The following SNTB2 variants were observed in gnomAD, a reference collection of about 807,000 sequenced individuals.
The protein encoded by SNTB2 is syntrophin beta 2, also known as beta-2-syntrophin.
A neutral mutation model predicts 46.2 loss-of-function variants in SNTB2; 34 were observed. The ratio of observed to expected loss-of-function variants is 0.74; its 90% CI spans 0.56 to 0.98. SNTB2 has a LOEUF of 0.98. SNTB2 is among the 50% of genes least tolerant of loss of function. SNTB2 has a pLI of 0.00. For missense variants in SNTB2, 603 were observed against 731.4 expected (o/e 0.82, Z 2.02); for synonymous variants, 290 against 312.6 (o/e 0.93, Z 0.76).
chr16:69,285,705 G>A (rs1965096499), intron 5 of SNTB2, among the ~76,000 whole-genome samples: 1 of 151,696 alleles, frequency 6.6e-6, no homozygotes, highest in African/African-American at 2.4e-5. Context: ...TGCCCAGGCT[G>A]GTCTCAAACT....
In SNTB2 at chr16:69,213,822, CTTTTTTTTTTTT is replaced by C. The variant is rs35759695; in HGVS notation, c.580+26087_580+26098del. ...TGATAAATACTATCATTTTAGAGTT[CTTTTTTTTTTTT>C]TTTTTTTTTTGAGACTCTCACTCTG... On this transcript the variant is annotated intron_variant, in intron 1 of 6. Coordinates refer to ENST00000336278, the MANE Select transcript of SNTB2 (RefSeq NM_006750.4). Among the ~76,000 whole-genome samples the C allele has an allele frequency of 3.3e-5, 3 of 91,636 alleles. No homozygotes were observed. The South Asian group carries it at 1.1e-3, about 33-fold the overall frequency. The allele number at this position is 91,636 out of a possible 152,430, so 60.1% of individuals were successfully genotyped here.
chr16:69,279,619 G>A (rs933323622), intron 4 of SNTB2, among the ~76,000 whole-genome samples: 21 of 137,474 alleles, frequency 1.5e-4, no homozygotes, highest in African/African-American at 8.3e-5. Context: ...TCCGCCTCCC[G>A]GGTTCACGCC....
rs1964724971 is a variant in SNTB2 at position 69,251,458 on chromosome 16, A to G, written c.794+5643A>G. Among the ~76,000 whole-genome samples, 4 of 136,156 alleles carry G rather than the reference A, an allele frequency of 2.9e-5. No individual in the cohort carries two copies. The Admixed American group carries it at 3.1e-4, about 11-fold the overall frequency. The allele number at this position is 136,156 out of a possible 152,430, so 89.3% of individuals were successfully genotyped here. A position where few individuals can be genotyped will look rare whatever the true frequency, so the allele number is the denominator to read the frequency against. ...AGGAGTGGAATTGCTGGATAGGTGC[A>G]TGTTTAGTTTAAAAAAAAAAAAAAA... On this transcript the variant is annotated intron_variant, in intron 2 of 6. Coordinates refer to ENST00000336278, the MANE Select transcript of SNTB2 (RefSeq NM_006750.4).
At chr16:69,196,504 A>G (rs1358527848) in intron 1 of SNTB2, among the ~76,000 whole-genome samples, 1 of 150,556 alleles carries the variant, frequency 6.6e-6, no homozygotes, top group Non-Finnish European at 1.5e-5. Flanking sequence ...CCTCCTGAGT[A>G]GCTGGGATTA....
At chr16:69,195,469 A>G (rs973962191) in intron 1 of SNTB2, among the ~76,000 whole-genome samples, 2 of 147,110 alleles carry the variant, frequency 1.4e-5, no homozygotes, top group Non-Finnish European at 3.0e-5. Flanking sequence ...AGTAAGAATT[A>G]TTTTGGTTGC....
At chr16:69,195,754 A>G (rs1320875691) in intron 1 of SNTB2, among the ~76,000 whole-genome samples, 2 of 152,126 alleles carry the variant, frequency 1.3e-5, no homozygotes, top group Non-Finnish European at 2.9e-5. Context: ...TGGAGATAGG[A>G]AGGACTCCAA....
At chr16:69,279,865 ATTAAT>A (rs1185359488) in intron 4 of SNTB2, among the ~76,000 whole-genome samples, 68 of 150,092 alleles carry the variant, frequency 4.5e-4, no homozygotes, top group African/African-American at 8.8e-4. Flanking sequence ...TAATTAATTA[ATTAAT>A]TTATTTATTT....
chr16:69,231,455 G>A (rs1380933707), intron 1 of SNTB2, among the ~76,000 whole-genome samples: 1 of 152,130 alleles, frequency 6.6e-6, no homozygotes, highest in East Asian at 1.9e-4. Context: ...TGGGCATGGT[G>A]GCGCATGCCT....
chr16:69,272,050 T>A (rs1211167052), intron 4 of SNTB2, among the ~76,000 whole-genome samples: 1 of 152,134 alleles, frequency 6.6e-6, no homozygotes, highest in African/African-American at 2.4e-5. Flanking sequence ...TCTTCATGAC[T>A]TTGGGTTAGG....
chr16:69,188,011 G>A (rs1343307710), intron 1 of SNTB2, among the ~76,000 whole-genome samples: 2 of 152,096 alleles, frequency 1.3e-5, no homozygotes, highest in Admixed American at 1.3e-4. Flanking sequence ...ACCTCGGCCC[G>A]ATAAGCTGAC....
chr16:69,242,011 C>T (rs1393359568), intron 1 of SNTB2: 2 of 150,572 alleles, frequency 1.3e-5, no homozygotes, highest in Non-Finnish European at 2.9e-5. Context: ...ACATGGAACT[C>T]TTCATAACCT....
chr16:69,187,949 C>T (rs1567391756), intron 1 of SNTB2, among the ~76,000 whole-genome samples: 1 of 152,158 alleles, frequency 6.6e-6, no homozygotes, highest in African/African-American at 2.4e-5. Flanking sequence ...CTTGCAGCCC[C>T]TAGGGAAGAC....
chr16:69,218,533 T>C (rs1395011792), intron 1 of SNTB2, among the ~76,000 whole-genome samples: 1 of 151,974 alleles, frequency 6.6e-6, no homozygotes, highest in East Asian at 1.9e-4. Flanking sequence ...GCCATTCTCC[T>C]GCCTCAGCCT....
chr16:69,260,369 T>G (rs1964823924), intron 3 of SNTB2, 109 bp downstream of exon 3: 1 of 954,428 alleles, frequency 1.0e-6, no homozygotes, highest in Non-Finnish European at 1.6e-6. Flanking sequence ...CCTGGATATC[T>G]AGCTTGCAGA....
chr16:69,243,937 A>G lies in SNTB2; in HGVS notation c.581-1665A>G, dbSNP rs1046810531. ...CAGTAAATCTTTTTTAATAACGTAT[A>G]AGAAAATAACTTTAACTCTTCTACT... On this transcript the variant is annotated intron_variant, in intron 1 of 6. Coordinates refer to ENST00000336278, the MANE Select transcript of SNTB2 (RefSeq NM_006750.4). 4.8e-4 allele frequency among the ~76,000 whole-genome samples: 73 copies of G among 152,216 alleles called. 1 individual carries two copies. The highest frequency in any genetic ancestry group is 1.6e-3 in the African/African-American group (68 of 41,466).
At chr16:69,293,873 G>T (rs570958607) in intron 5 of SNTB2, among the ~76,000 whole-genome samples, 17 of 152,196 alleles carry the variant, frequency 1.1e-4, no homozygotes, top group Non-Finnish European at 1.5e-5. Flanking sequence ...GGAGGGAGAT[G>T]TAGAGCCTAT....
intron 1 of SNTB2, among the ~76,000 whole-genome samples, chr16:69,217,999 G>A (rs1964365100): frequency 6.6e-6 from 1 of 152,122 alleles, no homozygotes. Context: ...GTGGTGGCAG[G>A]TGGTAAACAC....
intron 3 of SNTB2, among the ~76,000 whole-genome samples, chr16:69,261,220 A>G (rs1379296814): frequency 6.6e-5 from 10 of 152,054 alleles, no homozygotes; most frequent in Admixed American, 6.5e-4. Flanking sequence ...GAATCAGCAC[A>G]GGAAGGATTT....
intron 4 of SNTB2, among the ~76,000 whole-genome samples, chr16:69,276,322 C>T (rs1229809461): frequency 6.6e-6 from 1 of 152,188 alleles, no homozygotes; most frequent in Non-Finnish European, 1.5e-5. Flanking sequence ...GGCCTCTCCA[C>T]AAAAGGGGGG....
Sources: gnomAD v4.1 joint callset for allele counts (sites outside exome capture counted in the v4.1 genomes callset) on GRCh38, gnomAD v4.1.1 for gene constraint, MANE v1.5 for transcripts, NCBI Gene and HGNC (gene_info 2026-07-23, HGNC 2026-07-21) for gene names.